The following ATXN2 variants were observed in gnomAD, a reference collection of about 807,000 sequenced individuals.
ATXN2 encodes ataxin-2.
Under a neutral mutation model 138.6 loss-of-function variants are expected in ATXN2, and 37 were observed. The ratio of observed to expected loss-of-function variants is 0.27; its 90% CI spans 0.21 to 0.35. ATXN2 has a LOEUF of 0.35. ATXN2 is among the 10% of genes least tolerant of loss of function. The probability of loss-of-function intolerance (pLI) is 1.00; values close to 1 mark genes in which losing one functional copy is unlikely to be tolerated. For missense variants in ATXN2, 1,216 were observed against 1,480.3 expected (o/e 0.82, Z 2.93); for synonymous variants, 549 against 543.7 (o/e 1.01, Z -0.13).
At chr12:111,514,781 C>A (rs975603185) in intron 10 of ATXN2, among the ~76,000 whole-genome samples, 2 of 152,160 alleles carry the variant, frequency 1.3e-5, no homozygotes, top group Non-Finnish European at 2.9e-5. Flanking sequence ...AGCCACCATG[C>A]CTGGCTTCCA....
chr12:111,519,991 C>A lies in ATXN2; in HGVS notation c.874G>T (p.Ala292Ser). 6.2e-7 allele frequency: 1 copy of A among 1,614,150 alleles called. No homozygotes were observed. Among genetic ancestry groups the A allele is most frequent in the Non-Finnish European group, 8.5e-7 (1 of 1,180,024 alleles). The change falls in exon 8 of 25, where the codon GCC (alanine) becomes TCC (serine). Residue 292 changes from alanine to serine, a missense_variant. Coordinates refer to ENST00000673436, the MANE Select transcript of ATXN2 (RefSeq NM_001372574.1). ...NQLAEEIESS[A>S]QYKARVALEN... ...AGGGCCACTCGAGCTTTGTACTGGG[C>A]ACTTGACTCAATTTCTTCTGCTAAC... is the stretch of plus-strand genomic sequence containing the variant.
intron 18 of ATXN2, among the ~76,000 whole-genome samples, chr12:111,476,898 G>A (rs928536855): frequency 5.9e-5 from 9 of 152,116 alleles, no homozygotes; most frequent in East Asian, 1.9e-4. Flanking sequence ...TAATTTTGAC[G>A]AGAATAAAAC....
chr12:111,569,904 T>C (rs910756590), intron 1 of ATXN2, among the ~76,000 whole-genome samples: 3 of 152,178 alleles, frequency 2.0e-5, no homozygotes, highest in African/African-American at 7.2e-5. Flanking sequence ...TCTAGTCCCA[T>C]GCTGTCCAAG....
chr12:111,518,510 AG>A, intron 8 of ATXN2, 83 bp from the exon 9 acceptor site: 1 of 1,381,134 alleles, frequency 7.2e-7, no homozygotes. Flanking sequence ...TCTAGACAGA[AG>A]GGAATGCTTG....
chr12:111,593,080 TTTTG>T (rs899049023), intron 1 of ATXN2, among the ~76,000 whole-genome samples: 10 of 151,686 alleles, frequency 6.6e-5, no homozygotes, highest in South Asian at 4.2e-4. Flanking sequence ...ATCCTCCTTT[TTTTG>T]TTTGTTTGTT....
intron 16 of ATXN2, among the ~76,000 whole-genome samples, chr12:111,486,485 G>A (rs903859320): frequency 6.6e-6 from 1 of 152,180 alleles, no homozygotes; most frequent in Non-Finnish European, 1.5e-5. Context: ...TGCAGAGGAC[G>A]TATCTATAAA....
chr12:111,457,399 C>G (rs2301622), intron 21 of ATXN2, 40 bp from the exon 22 acceptor site: 416,402 of 1,564,278 alleles, frequency 0.27, 74,596 homozygotes, highest in East Asian at 0.88. Flanking sequence ...CAACCGATGT[C>G]TGACAACCTC....
intron 1 of ATXN2, among the ~76,000 whole-genome samples, chr12:111,566,783 C>A (rs758865376): frequency 6.6e-6 from 1 of 151,972 alleles, no homozygotes; most frequent in Non-Finnish European, 1.5e-5. Flanking sequence ...ATTATAGGCG[C>A]CCGCCACCAC....
intron 14 of ATXN2, among the ~76,000 whole-genome samples, chr12:111,505,373 A>C (rs1048074589): frequency 1.3e-5 from 2 of 152,242 alleles, no homozygotes; most frequent in African/African-American, 4.8e-5. Context: ...TCAAAATTAA[A>C]AATTTTTGTG....
intron 1 of ATXN2, among the ~76,000 whole-genome samples, chr12:111,576,982 A>G (rs995439752): frequency 1.3e-5 from 2 of 151,234 alleles, no homozygotes; most frequent in African/African-American, 4.9e-5. Flanking sequence ...ATAAATAAAC[A>G]AACAAACAAA....
intron 11 of ATXN2, chr12:111,511,630 T>C (rs142553699): frequency 0.013 from 1,921 of 152,102 alleles, 19 homozygotes; most frequent in Non-Finnish European, 0.02. Flanking sequence ...AATGCCCAGC[T>C]AATTTTTGTA....
rs537540390 is a variant in ATXN2 at position 111,477,923 on chromosome 12, C to G, written c.2525-7181G>C. 1.6e-4 allele frequency among the ~76,000 whole-genome samples: 25 copies of G among 152,052 alleles called. No individual in the cohort carries two copies. In the South Asian group the frequency reaches 5.2e-3, roughly 32 times the overall value. ...ACCTCAGCCCCCCAAGTAGCTGGGA[C>G]CATAGGAATGCGCTTCTGTGCCTGG... On this transcript the variant is annotated intron_variant, in intron 18 of 24. Coordinates refer to ENST00000673436, the MANE Select transcript of ATXN2 (RefSeq NM_001372574.1).
chr12:111,561,880 T>C (rs1028761915), intron 1 of ATXN2, among the ~76,000 whole-genome samples: 3 of 151,806 alleles, frequency 2.0e-5, no homozygotes. Flanking sequence ...GGCATGATCT[T>C]GACTCACTGC....
intron 1 of ATXN2, chr12:111,564,874 T>C (rs1783922241): frequency 6.6e-6 from 1 of 152,226 alleles, no homozygotes; most frequent in African/African-American, 2.4e-5. Context: ...CTGTAAGAGC[T>C]GCAACACTCC....
rs1346696941 is a variant in ATXN2 at position 111,452,228 on chromosome 12, T to A, written c.*584A>T. 6.6e-6 allele frequency: 1 copy of A among 152,380 alleles called. No homozygotes were observed. The highest frequency in any genetic ancestry group is 1.5e-5 in the Non-Finnish European group (1 of 68,028). 9.4% of individuals were successfully genotyped at this position (152,380 alleles called of 1,614,324 possible). A position where few individuals can be genotyped will look rare whatever the true frequency, so the allele number is the denominator to read the frequency against. ...CACTAACTTGATCAGTTTTTAAAAC[T>A]TTTTTTATTTTTTAAATTTTTTTTA... On this transcript the variant is annotated 3_prime_UTR_variant, in exon 25 of 25. Transcript: ENST00000673436.
At chr12:111,554,277 C>T in intron 2 of ATXN2, 60 bp from the exon 3 acceptor site, 3 of 1,183,218 alleles carry the variant, frequency 2.5e-6, no homozygotes, top group South Asian at 3.3e-5. Context: ...TCTTCCTCAT[C>T]TAAAATGCTT....
chr12:111,579,603 T>C (rs1883871562), intron 1 of ATXN2, among the ~76,000 whole-genome samples: 1 of 151,774 alleles, frequency 6.6e-6, no homozygotes, highest in Admixed American at 6.6e-5. Context: ...TAACTCAATG[T>C]CCACCACTAG....
chr12:111,533,483 C>T (rs1880960857), intron 5 of ATXN2, among the ~76,000 whole-genome samples: 1 of 151,928 alleles, frequency 6.6e-6, no homozygotes, highest in African/African-American at 2.4e-5. Flanking sequence ...TGTACATGTT[C>T]AGTATAGATG....
intron 17 of ATXN2, 94 bp from the exon 18 acceptor site, chr12:111,485,425 C>A: frequency 1.6e-6 from 2 of 1,241,832 alleles, no homozygotes. Flanking sequence ...GAGAGCTAGG[C>A]ATGAGAAGGT....
Sources: gnomAD v4.1 joint callset for allele counts (sites outside exome capture counted in the v4.1 genomes callset) on GRCh38, gnomAD v4.1.1 for gene constraint, MANE v1.5 for transcripts, NCBI Gene and HGNC (gene_info 2026-07-23, HGNC 2026-07-21) for gene names.